Variants in UBE2D2 observed in about 807,000 individuals in gnomAD.
The protein encoded by UBE2D2 is ubiquitin-conjugating enzyme E2 D2.
UBE2D2 carries 2 observed loss-of-function variants against 24.2 expected under a neutral mutation model. The ratio of observed to expected loss-of-function variants is 0.08; its 90% CI spans 0.03 to 0.26. UBE2D2 has a LOEUF of 0.26. UBE2D2 is among the 10% of genes least tolerant of loss of function. The probability of loss-of-function intolerance (pLI) is 1.00; values close to 1 mark genes in which losing one functional copy is unlikely to be tolerated. For synonymous variants in UBE2D2, 58 were observed against 56.5 expected, an observed-to-expected ratio of 1.03 and a Z score of -0.12; for missense variants, 44 against 177.6, an observed-to-expected ratio of 0.25 and a Z score of 4.28.
chr5:139,593,818 G>A (rs1753904599), intron 1 of UBE2D2, among the ~76,000 whole-genome samples: 1 of 152,072 alleles, frequency 6.6e-6, no homozygotes, highest in African/African-American at 2.4e-5. Flanking sequence ...GTCTTACTGT[G>A]TTGACCAGGC....
chr5:139,616,414 A>C (rs980915528), intron 5 of UBE2D2, among the ~76,000 whole-genome samples: 3 of 152,146 alleles, frequency 2.0e-5, no homozygotes, highest in African/African-American at 7.2e-5. Flanking sequence ...TTTTGTGAAA[A>C]TGAAATCAGT....
chr5:139,597,371 G>T (rs767107639), intron 1 of UBE2D2, among the ~76,000 whole-genome samples: 3 of 152,152 alleles, frequency 2.0e-5, no homozygotes, highest in Non-Finnish European at 2.9e-5. Flanking sequence ...TTGAGATTCA[G>T]CTGTATCAGT....
intron 5 of UBE2D2, among the ~76,000 whole-genome samples, chr5:139,622,750 C>T (rs546022481): frequency 3.3e-5 from 5 of 149,618 alleles, no homozygotes; most frequent in African/African-American, 4.9e-5. Context: ...ATTAGCCGGG[C>T]GTGGTGGCGG....
chr5:139,527,447 T>G (rs1365421971), intron 1 of UBE2D2, among the ~76,000 whole-genome samples: 1 of 152,162 alleles, frequency 6.6e-6, no homozygotes, highest in Non-Finnish European at 1.5e-5. Flanking sequence ...AATCACAAAC[T>G]TATAAGGTTT....
intron 6 of UBE2D2, among the ~76,000 whole-genome samples, chr5:139,626,172 G>A (rs918854204): frequency 1.3e-5 from 2 of 151,664 alleles, no homozygotes; most frequent in African/African-American, 4.8e-5. Context: ...GAGCTCAAAC[G>A]ATCTTCCCAC....
At chr5:139,595,558 A>G (rs1753940661) in intron 1 of UBE2D2, among the ~76,000 whole-genome samples, 1 of 151,966 alleles carries the variant, frequency 6.6e-6, no homozygotes, top group South Asian at 2.1e-4. Flanking sequence ...TTGTACTTTT[A>G]GTAAAGATGG....
chr5:139,602,896 C>T (rs1754112155), intron 2 of UBE2D2, among the ~76,000 whole-genome samples: 1 of 152,168 alleles, frequency 6.6e-6, no homozygotes, highest in Non-Finnish European at 1.5e-5. Flanking sequence ...TGGTACCAAA[C>T]AAGGCAGGCT....
chr5:139,553,205 G>T lies in UBE2D2; in HGVS notation c.-64+26593G>T, dbSNP rs10055678. On this transcript the variant is annotated intron_variant, in intron 1 of 6. Transcript: ENST00000511725. Reference sequence around the variant, plus strand: ...CTTACATTTAAAAACTATACCTTACGAAATACCAGAAAAAGGGATCATACT... The same window carrying T: ...CTTACATTTAAAAACTATACCTTACTAAATACCAGAAAAAGGGATCATACT... Among the ~76,000 whole-genome samples the T allele has an allele frequency of 9.6e-3, 1,464 of 152,168 alleles. 25 individuals carry two copies. Among genetic ancestry groups the T allele is most frequent in the African/African-American group, 0.033 (1,360 of 41,524 alleles).
At chr5:139,600,250 A>G in intron 1 of UBE2D2, 122 bp from the exon 2 acceptor site, 1 of 1,046,436 alleles carries the variant, frequency 9.6e-7, no homozygotes. Context: ...CTTACTCTGA[A>G]GGAATGCTCT....
rs900983082 is a variant in UBE2D2, at chr5:139,533,928, G to A, written c.-64+7316G>A. Among the ~76,000 whole-genome samples the A allele has an allele frequency of 4.0e-5, 6 of 150,956 alleles. 1 individual carries two copies. Among genetic ancestry groups the A allele is most frequent in the Middle Eastern group, 6.4e-3 (2 of 314 alleles). On this transcript the variant is annotated intron_variant, in intron 1 of 6. Coordinates refer to the UBE2D2 transcript ENST00000511725. ...CTCCCGAGTAGCTGGGATTACAGGC[G>A]CCCGCCACCAAGCCTGGCTAATTTT...
intron 1 of UBE2D2, among the ~76,000 whole-genome samples, chr5:139,553,965 A>C (rs889413490): frequency 6.6e-6 from 1 of 152,072 alleles, no homozygotes; most frequent in African/African-American, 2.4e-5. Flanking sequence ...TTTTTAGTAG[A>C]GATGGGGTTT....
intron 5 of UBE2D2, among the ~76,000 whole-genome samples, chr5:139,621,354 C>T (rs868307622): frequency 6.6e-6 from 1 of 152,060 alleles, no homozygotes; most frequent in Non-Finnish European, 1.5e-5. Context: ...AGGTTGTCAC[C>T]GAGGAAATGG....
chr5:139,548,016 T>C (rs1752855208), intron 1 of UBE2D2, among the ~76,000 whole-genome samples: 1 of 151,592 alleles, frequency 6.6e-6, no homozygotes, highest in Non-Finnish European at 1.5e-5. Context: ...ATAAATTTAA[T>C]GGCTGGGTGT....
intron 1 of UBE2D2, chr5:139,562,177 C>T: frequency 7.4e-7 from 1 of 1,355,766 alleles, no homozygotes; most frequent in Admixed American, 2.5e-5. Flanking sequence ...CGTTGGGCGG[C>T]CCCTTCGACA....
chr5:139,584,606 C>A (rs1253802235), intron 1 of UBE2D2, among the ~76,000 whole-genome samples: 3 of 141,826 alleles, frequency 2.1e-5, no homozygotes, highest in South Asian at 2.3e-4. Context: ...GATCTCGGCT[C>A]ACTGCATCCT....
chr5:139,574,037 C>T (rs1358096687), intron 1 of UBE2D2, among the ~76,000 whole-genome samples: 2 of 151,128 alleles, frequency 1.3e-5, no homozygotes, highest in Non-Finnish European at 2.9e-5. Context: ...GGAATGAGTA[C>T]ACTTGAAATA....
chr5:139,587,079 A>G (rs1432415686), intron 1 of UBE2D2, among the ~76,000 whole-genome samples: 1 of 152,144 alleles, frequency 6.6e-6, no homozygotes, highest in East Asian at 1.9e-4. Flanking sequence ...TGTTGGCCTC[A>G]TGGATTCCAA....
upstream of UBE2D2, among the ~76,000 whole-genome samples, chr5:139,556,332 C>T (rs575006639): frequency 2.0e-5 from 3 of 152,064 alleles, no homozygotes; most frequent in Admixed American, 6.6e-5. Flanking sequence ...CACCTGAACC[C>T]GGGAGGTGGA....
chr5:139,564,802 TC>T (rs1162132094), intron 1 of UBE2D2, among the ~76,000 whole-genome samples: 1 of 152,138 alleles, frequency 6.6e-6, no homozygotes, highest in Non-Finnish European at 1.5e-5. Flanking sequence ...CCTAGTTTAT[TC>T]CCTAGAGCTC....
Sources: allele counts gnomAD v4.1 joint callset (sites outside exome capture counted in the v4.1 genomes callset), GRCh38; gene constraint gnomAD v4.1.1; transcripts MANE v1.5; gene names NCBI Gene and HGNC (gene_info 2026-07-23, HGNC 2026-07-21).